Variants in DCBLD2 observed in about 807,000 individuals in gnomAD.
DCBLD2 encodes discoidin, CUB and LCCL domain containing 2, also known as discoidin, CUB and LCCL domain-containing protein 2.
In DCBLD2, 54 loss-of-function variants were observed where a neutral mutation model predicts 86.8. The ratio of observed to expected loss-of-function variants is 0.62; its 90% CI spans 0.50 to 0.78. DCBLD2 has a LOEUF of 0.78. DCBLD2 is among the 30% of genes least tolerant of loss of function. DCBLD2 has a pLI of 0.00. For missense variants in DCBLD2, 908 were observed against 954.2 expected (o/e 0.95, Z 0.64); for synonymous variants, 354 against 341.3 (o/e 1.04, Z -0.41).
chr3:98,877,632 T>C (rs1427207828), intron 2 of DCBLD2, among the ~76,000 whole-genome samples: 1 of 152,102 alleles, frequency 6.6e-6, no homozygotes, highest in Non-Finnish European at 1.5e-5. Context: ...AAATGTCTAT[T>C]TACTAAATCT....
intron 1 of DCBLD2, 86 bp from the exon 2 acceptor site, chr3:98,881,853 T>C: frequency 1.5e-6 from 2 of 1,309,658 alleles, no homozygotes; most frequent in Non-Finnish European, 2.1e-6. Context: ...TTTAAAAATA[T>C]GCACGACATC....
chr3:98,860,193 G>A (rs572587270), intron 2 of DCBLD2, among the ~76,000 whole-genome samples: 2 of 152,160 alleles, frequency 1.3e-5, no homozygotes, highest in Non-Finnish European at 2.9e-5. Context: ...AAAAAGAAAT[G>A]AACAAAGCCT....
intron 12 of DCBLD2, among the ~76,000 whole-genome samples, chr3:98,809,061 A>C (rs1941888760): frequency 6.6e-6 from 1 of 152,082 alleles, no homozygotes; most frequent in Non-Finnish European, 1.5e-5. Flanking sequence ...GGTGTTAAGA[A>C]AGTCAATTGG....
chr3:98,798,808 G>A lies in DCBLD2; in HGVS notation c.*564C>T, dbSNP rs1000416354. 6.6e-6 allele frequency: 1 copy of A among 152,592 alleles called. No homozygotes were observed. Among genetic ancestry groups the A allele is most frequent in the Non-Finnish European group, 1.5e-5 (1 of 68,432 alleles). 9.5% of individuals were successfully genotyped at this position (152,592 alleles called of 1,614,324 possible). The stretch of plus-strand genomic sequence containing the variant: ...AAAGCAATCCCCCTGCTCATTACAA[G>A]TCAGAAAATCCCAGCTACAGATCTT... On this transcript the variant is annotated 3_prime_UTR_variant, in exon 16 of 16. Coordinates refer to ENST00000326840, the MANE Select transcript of DCBLD2 (RefSeq NM_080927.4).
chr3:98,830,354 G>GT (rs1337150679), intron 3 of DCBLD2, among the ~76,000 whole-genome samples: 2 of 152,108 alleles, frequency 1.3e-5, no homozygotes, highest in Non-Finnish European at 2.9e-5. Context: ...GTCTTCCAGG[G>GT]TTTTTATAGT....
At chr3:98,882,807 T>C (rs931399381) in intron 1 of DCBLD2, among the ~76,000 whole-genome samples, 6 of 152,206 alleles carry the variant, frequency 3.9e-5, no homozygotes, top group African/African-American at 1.4e-4. Flanking sequence ...ACATTTTCTT[T>C]ATCCAGTCTA....
At chr3:98,887,898 C>A (rs1943589955) in intron 1 of DCBLD2, among the ~76,000 whole-genome samples, 5 of 151,904 alleles carry the variant, frequency 3.3e-5, no homozygotes, top group Admixed American at 3.3e-4. Flanking sequence ...TTCTATAGGT[C>A]TGGACAAATA....
chr3:98,832,980 C>T (rs931606923), intron 3 of DCBLD2, among the ~76,000 whole-genome samples: 14 of 152,104 alleles, frequency 9.2e-5, no homozygotes, highest in African/African-American at 1.7e-4. Flanking sequence ...GCCTCTCTAG[C>T]GAGGCTGGGG....
In DCBLD2 at chr3:98,798,489, A is replaced by C. The variant is rs888555829; in HGVS notation, c.*883T>G. ...CCTTAGAAGCCTTCAACTTTTCATA[A>C]CTCTCCTAGGAAAAATCCCATTGCA... On this transcript the variant is annotated 3_prime_UTR_variant, in exon 16 of 16. Transcript: ENST00000326840. 2 of 152,056 alleles carry C rather than the reference A, an allele frequency of 1.3e-5. No homozygotes were observed. The highest frequency in any genetic ancestry group is 2.9e-5 in the Non-Finnish European group (2 of 67,998). 9.4% of individuals were successfully genotyped at this position (152,056 alleles called of 1,614,324 possible).
intron 1 of DCBLD2, among the ~76,000 whole-genome samples, chr3:98,898,593 T>C (rs1338497417): frequency 1.3e-5 from 2 of 152,148 alleles, no homozygotes; most frequent in Non-Finnish European, 2.9e-5. Context: ...AGACTTCTTA[T>C]AGAGTAAAAA....
At chr3:98,868,684 C>A (rs140125822) in intron 2 of DCBLD2, among the ~76,000 whole-genome samples, 1 of 152,108 alleles carries the variant, frequency 6.6e-6, no homozygotes, top group African/African-American at 2.4e-5. Context: ...GTTAGTCCCC[C>A]CTTGTGAGAA....
chr3:98,809,282 G>C (rs937053479), intron 12 of DCBLD2, among the ~76,000 whole-genome samples: 1 of 152,128 alleles, frequency 6.6e-6, no homozygotes, highest in East Asian at 1.9e-4. Flanking sequence ...AGCACCTGCT[G>C]ATATTTACTG....
Position 98,870,806 on chromosome 3 carries a change from A to AAAGAAAGAAAGAAAGAAAGAAAGGAAGG in DCBLD2, c.433+10733_433+10734insCCTTCCTTTCTTTCTTTCTTTCTTTCTT, listed in dbSNP as rs1559794673. On this transcript the variant is annotated intron_variant, in intron 2 of 15. Coordinates refer to ENST00000326840, the MANE Select transcript of DCBLD2 (RefSeq NM_080927.4). ...GAAAGAAAGAAAGAAAGAAAGAAAG[A>AAAGAAAGAAAGAAAGAAAGAAAGGAAGG]AAGAAAGGTAGGCAGGCATTGGTGG... Among the ~76,000 whole-genome samples, 316 of 123,378 alleles carry AAAGAAAGAAAGAAAGAAAGAAAGGAAGG rather than the reference A, an allele frequency of 2.6e-3. 1 individual carries two copies. The highest frequency in any genetic ancestry group is 3.2e-3 in the Non-Finnish European group (185 of 57,278). The allele number at this position is 123,378 out of a possible 152,430, so 80.9% of individuals were successfully genotyped here.
chr3:98,889,709 A>C (rs1375341085), intron 1 of DCBLD2, among the ~76,000 whole-genome samples: 1 of 152,072 alleles, frequency 6.6e-6, no homozygotes, highest in Non-Finnish European at 1.5e-5. Context: ...GCCTATAAAC[A>C]CCTAGCTTCT....
At chr3:98,891,878 CT>C (rs1943667612) in intron 1 of DCBLD2, among the ~76,000 whole-genome samples, 1 of 152,036 alleles carries the variant, frequency 6.6e-6, no homozygotes, top group Non-Finnish European at 1.5e-5. Context: ...GTGTTTCTCC[CT>C]ATTTCCATAA....
intron 3 of DCBLD2, among the ~76,000 whole-genome samples, chr3:98,840,094 A>G (rs1942593833): frequency 6.6e-6 from 1 of 152,230 alleles, no homozygotes; most frequent in Non-Finnish European, 1.5e-5. Flanking sequence ...GATAGTTGGT[A>G]GAGTGAGATG....
At chr3:98,878,500 A>G (rs1043981911) in intron 2 of DCBLD2, among the ~76,000 whole-genome samples, 14 of 151,598 alleles carry the variant, frequency 9.2e-5, no homozygotes, top group African/African-American at 1.9e-4. Context: ...ATATAGGGGG[A>G]AAAAAAAAGA....
intron 2 of DCBLD2, among the ~76,000 whole-genome samples, chr3:98,877,068 G>A (rs566081312): frequency 6.6e-6 from 1 of 152,262 alleles, no homozygotes; most frequent in Admixed American, 6.5e-5. Context: ...AAGGAAAGAA[G>A]AAATGCACTG....
intron 2 of DCBLD2, among the ~76,000 whole-genome samples, chr3:98,874,938 G>A (rs931941421): frequency 8.5e-5 from 13 of 152,050 alleles, no homozygotes; most frequent in African/African-American, 2.9e-4. Context: ...TAAGCCACTC[G>A]GTCTATAGAT....
Sources: allele counts gnomAD v4.1 joint callset (sites outside exome capture counted in the v4.1 genomes callset), GRCh38; gene constraint gnomAD v4.1.1; transcripts MANE v1.5; gene names NCBI Gene and HGNC (gene_info 2026-07-23, HGNC 2026-07-21).